The following TRAPPC9 variants were observed in gnomAD, a reference collection of about 807,000 sequenced individuals.
The protein encoded by TRAPPC9 is trafficking protein particle complex subunit 9.
A neutral mutation model predicts 124.0 loss-of-function variants in TRAPPC9; 83 were observed. The observed-to-expected ratio is 0.67, with a 90% confidence interval of 0.56 to 0.80. TRAPPC9 has a LOEUF of 0.80. Among genes scored for constraint, TRAPPC9 ranks in the 30% least tolerant of loss-of-function variants. The probability of loss-of-function intolerance (pLI) is 0.00; values close to 1 mark genes in which losing one functional copy is unlikely to be tolerated. For synonymous variants in TRAPPC9, 638 were observed against 617.5 expected, an observed-to-expected ratio of 1.03 and a Z score of -0.49; for missense variants, 1,302 against 1,508.3, an observed-to-expected ratio of 0.86 and a Z score of 2.27.
chr8:139,949,206 T>A (rs956902587), intron 19 of TRAPPC9, among the ~76,000 whole-genome samples: 4 of 152,118 alleles, frequency 2.6e-5, no homozygotes, highest in African/African-American at 9.7e-5. Context: ...TCATTACAGG[T>A]ACTAAGACTG....
intron 17 of TRAPPC9, among the ~76,000 whole-genome samples, chr8:140,144,885 T>C (rs2061434101): frequency 6.6e-6 from 1 of 151,938 alleles, no homozygotes; most frequent in Admixed American, 6.6e-5. Flanking sequence ...CTGTCTTTTT[T>C]TTTTCTGAGA....
At chr8:139,850,458 G>A (rs965611903) in intron 21 of TRAPPC9, among the ~76,000 whole-genome samples, 3 of 152,174 alleles carry the variant, frequency 2.0e-5, no homozygotes, top group African/African-American at 7.2e-5. Context: ...TCCCAGCATT[G>A]CCTTGTCCTG....
At chr8:139,845,480 G>A (rs1827015763) in intron 21 of TRAPPC9, among the ~76,000 whole-genome samples, 5 of 152,232 alleles carry the variant, frequency 3.3e-5, no homozygotes, top group Admixed American at 2.0e-4. Context: ...ATTTAGCTGG[G>A]CATATTAATG....
rs141972190 is a variant in TRAPPC9 at position 140,188,385 on chromosome 8, A to G, written c.2556+33074T>C. Among the ~76,000 whole-genome samples, 128 of 152,328 alleles carry G rather than the reference A, an allele frequency of 8.4e-4. 1 individual carries two copies. In the East Asian group the frequency reaches 0.024, roughly 28 times the overall value. On this transcript the variant is annotated intron_variant, in intron 17 of 22. Coordinates refer to ENST00000438773, the MANE Select transcript of TRAPPC9 (RefSeq NM_001160372.4). ...CTCCTGATCCTCTGACTGCTGCCCT[A>G]ATGGGCCCTCGGATTAAGTAACATC...
intron 11 of TRAPPC9, among the ~76,000 whole-genome samples, chr8:140,291,485 G>C (rs1000066933): frequency 6.6e-6 from 1 of 152,198 alleles, no homozygotes; most frequent in African/African-American, 2.4e-5. Context: ...GATTGTGAGA[G>C]GGGAGTCTTC....
intron 19 of TRAPPC9, among the ~76,000 whole-genome samples, chr8:139,947,868 CAA>C (rs34765655): frequency 0.029 from 1,752 of 60,312 alleles, 103 homozygotes; most frequent in African/African-American, 0.11. Flanking sequence ...AATTCCGTCT[CAA>C]AAAAAAAAAA....
At chr8:139,924,812 A>T (rs1832710380) in intron 19 of TRAPPC9, among the ~76,000 whole-genome samples, 1 of 152,184 alleles carries the variant, frequency 6.6e-6, no homozygotes, top group South Asian at 2.1e-4. Flanking sequence ...AATTCTACAG[A>T]GTGAGGGAAT....
intron 21 of TRAPPC9, among the ~76,000 whole-genome samples, chr8:139,735,658 GT>G (rs112374981): frequency 0.19 from 27,277 of 147,338 alleles, 2,620 homozygotes; most frequent in African/African-American, 0.25. Context: ...ACCCTGCCCT[GT>G]TTTTTTTTTT....
At chr8:139,967,181 C>T (rs1413219556) in intron 19 of TRAPPC9, among the ~76,000 whole-genome samples, 1 of 152,124 alleles carries the variant, frequency 6.6e-6, no homozygotes, top group Non-Finnish European at 1.5e-5. Flanking sequence ...TCACACAGGC[C>T]ACCTGCAAGC....
In TRAPPC9 at chr8:139,825,633, C is replaced by T. The variant is rs1825572206; in HGVS notation, c.3055+60246G>A. Among the ~76,000 whole-genome samples the T allele has an allele frequency of 6.6e-6, 1 of 152,126 alleles. No homozygotes were observed. Among genetic ancestry groups the T allele is most frequent in the Non-Finnish European group, 1.5e-5 (1 of 68,028 alleles). On this transcript the variant is annotated intron_variant, in intron 21 of 22. Coordinates refer to ENST00000438773, the MANE Select transcript of TRAPPC9 (RefSeq NM_001160372.4). This position sits in a 1 kb window ranked among gnomAD's most constrained non-coding sequence, Gnocchi z 4.6. Reference sequence around the variant, plus strand: ...GTTCTGAGAAAAAAGTCACTTCCACCCGGGGGAAATTTCATGGCTCTGGTT... The same window carrying T: ...GTTCTGAGAAAAAAGTCACTTCCACTCGGGGGAAATTTCATGGCTCTGGTT...
At chr8:140,022,409 T>C (rs1268133037) in intron 18 of TRAPPC9, among the ~76,000 whole-genome samples, 10 of 152,162 alleles carry the variant, frequency 6.6e-5, no homozygotes, top group African/African-American at 1.2e-4. Flanking sequence ...AGGATCCACA[T>C]AGCGCTTCAG....
At chr8:139,904,789 A>G (rs1831241106) in intron 20 of TRAPPC9, 1 of 152,220 alleles carries the variant, frequency 6.6e-6, no homozygotes, top group South Asian at 2.1e-4. Flanking sequence ...GTTCCGTCAC[A>G]CCAGCTGCAC....
At chr8:139,800,191 G>A (rs186233438) in intron 21 of TRAPPC9, among the ~76,000 whole-genome samples, 199 of 152,378 alleles carry the variant, frequency 1.3e-3, no homozygotes, top group African/African-American at 4.7e-3. Flanking sequence ...TGTGCTGTGT[G>A]GTGCTGTGAG....
At chr8:140,077,141 G>A (rs757020093) in intron 17 of TRAPPC9, among the ~76,000 whole-genome samples, 7 of 152,094 alleles carry the variant, frequency 4.6e-5, no homozygotes, top group Middle Eastern at 3.4e-3. Context: ...GCTCCAGCCC[G>A]AGTGAGAGAG....
chr8:139,820,676 C>T (rs190925255), intron 21 of TRAPPC9, among the ~76,000 whole-genome samples: 12 of 152,144 alleles, frequency 7.9e-5, no homozygotes, highest in Admixed American at 3.9e-4. Flanking sequence ...AAAGCCATTA[C>T]GACAAAAGGG....
chr8:139,844,375 C>T (rs921549932), intron 21 of TRAPPC9, among the ~76,000 whole-genome samples: 1 of 152,260 alleles, frequency 6.6e-6, no homozygotes. Flanking sequence ...GTCCTCCCCA[C>T]ATGAAATAAT....
intron 21 of TRAPPC9, among the ~76,000 whole-genome samples, chr8:139,734,053 G>A (rs1288056536): frequency 1.3e-5 from 2 of 152,238 alleles, no homozygotes; most frequent in East Asian, 3.8e-4. Context: ...GAGGATGGGG[G>A]CAGAGGGGAC....
chr8:139,950,064 C>A (rs115638262), intron 19 of TRAPPC9, among the ~76,000 whole-genome samples: 3,293 of 152,296 alleles, frequency 0.022, 109 homozygotes, highest in African/African-American at 0.075. Flanking sequence ...CAAGGTAGCA[C>A]GGCACCCCCT....
rs190212535 is a variant in TRAPPC9, at chr8:140,156,272, G to A, written c.2556+65187C>T. Among the ~76,000 whole-genome samples, 25 of 152,294 alleles carry A rather than the reference G, an allele frequency of 1.6e-4. 1 individual carries two copies. Among genetic ancestry groups the A allele is most frequent in the Admixed American group, 9.1e-4 (14 of 15,304 alleles). The stretch of plus-strand genomic sequence containing the variant: ...AGCACCAACCTGGGAGCAAGGTGAC[G>A]GAAGCATTCAATGCAACCTGGACAT... On this transcript the variant is annotated intron_variant, in intron 17 of 22. Coordinates refer to ENST00000438773, the MANE Select transcript of TRAPPC9 (RefSeq NM_001160372.4).
Sources: gnomAD v4.1 joint callset for allele counts (sites outside exome capture counted in the v4.1 genomes callset) on GRCh38, gnomAD v4.1.1 for gene constraint, Gnocchi (gnomAD v3.1) non-coding constraint, MANE v1.5 for transcripts, NCBI Gene and HGNC (gene_info 2026-07-23, HGNC 2026-07-21) for gene names.